The following HDAC9 variants were observed in gnomAD, a reference collection of about 807,000 sequenced individuals.
The protein encoded by HDAC9 is MEF-2 interacting transcription repressor (MITR) protein.
Under a neutral mutation model 139.4 loss-of-function variants are expected in HDAC9, and 41 were observed. That is an observed-to-expected ratio of 0.29 (90% CI 0.23 to 0.38). The LOEUF is 0.38. HDAC9 is among the 10% of genes least tolerant of loss of function. HDAC9 has a pLI of 1.00. For missense variants in HDAC9, 1,147 were observed against 1,297.0 expected (o/e 0.88, Z 1.78); for synonymous variants, 517 against 476.2 (o/e 1.09, Z -1.12).
intron 22 of HDAC9, among the ~76,000 whole-genome samples, chr7:18,901,913 T>G (rs1349903764): frequency 6.6e-6 from 1 of 152,248 alleles, no homozygotes; most frequent in Admixed American, 6.5e-5. Context: ...AGATTCAATT[T>G]AGTCACAAGT....
intron 2 of HDAC9, among the ~76,000 whole-genome samples, chr7:18,273,055 C>CTTT (rs1491175072): frequency 1.8e-4 from 12 of 68,230 alleles, no homozygotes; most frequent in African/African-American, 5.1e-4. Flanking sequence ...TCCCCTTCTT[C>CTTT]GTTTTTTTTT....
chr7:18,566,140 T>C (rs894531093), intron 2 of HDAC9, among the ~76,000 whole-genome samples: 4 of 152,228 alleles, frequency 2.6e-5, no homozygotes, highest in Non-Finnish European at 5.9e-5. Context: ...TAGAAAGTGG[T>C]GTTTTCATTG....
chr7:18,209,052 G>T (rs1017316224), intron 2 of HDAC9, among the ~76,000 whole-genome samples: 21 of 152,044 alleles, frequency 1.4e-4, no homozygotes, highest in African/African-American at 5.1e-4. Context: ...ATTTTATTTT[G>T]TTTATTTATT....
rs569203056 is a variant in HDAC9 at position 18,582,506 on chromosome 7, T to TTA, written c.23-2761_23-2760dup. Among the ~76,000 whole-genome samples the TTA allele has an allele frequency of 7.7e-3, 1,162 of 150,920 alleles. 6 individuals carry two copies. The highest frequency in any genetic ancestry group is 0.018 in the African/African-American group (719 of 41,064). On this transcript the variant is annotated intron_variant, in intron 2 of 25. Transcript: ENST00000686413. ...GATAAATCTATTTTGACTACATTGC[T>TTA]TATATATATATATATTTTTTAAATG...
chr7:18,950,074 T>C (rs1782686388), intron 23 of HDAC9, among the ~76,000 whole-genome samples: 1 of 152,080 alleles, frequency 6.6e-6, no homozygotes, highest in African/African-American at 2.4e-5. Flanking sequence ...ATTAGAGGTC[T>C]AGGTATTGAG....
intron 1 of HDAC9, among the ~76,000 whole-genome samples, chr7:18,341,145 T>C (rs1781975907): frequency 6.6e-6 from 1 of 151,696 alleles, no homozygotes; most frequent in Admixed American, 6.6e-5. Flanking sequence ...TTTAAGATTT[T>C]CCCCTACCTC....
chr7:18,450,763 T>G (rs556834569), intron 1 of HDAC9, among the ~76,000 whole-genome samples: 1 of 152,334 alleles, frequency 6.6e-6, no homozygotes, highest in Non-Finnish European at 1.5e-5. Context: ...ATTCTATTTT[T>G]TAGGAAGAGG....
At chr7:18,491,861 T>G (rs1796393405), upstream of HDAC9, among the ~76,000 whole-genome samples, 1 of 151,868 alleles carries the variant, frequency 6.6e-6, no homozygotes, top group Non-Finnish European at 1.5e-5. Context: ...CTTCACCTAA[T>G]CCACTCAAAC....
intron 25 of HDAC9, among the ~76,000 whole-genome samples, chr7:18,977,919 G>GACAGACACACACACACAC (rs1422767293): frequency 1.1e-4 from 15 of 141,034 alleles, no homozygotes; most frequent in African/African-American, 4.1e-4. Context: ...CAGACAGACA[G>GACAGACACACACACACAC]ACACACACAC....
intron 22 of HDAC9, among the ~76,000 whole-genome samples, chr7:18,888,356 C>T (rs578123466): frequency 6.6e-5 from 10 of 152,234 alleles, no homozygotes; most frequent in African/African-American, 1.4e-4. Context: ...ACCCGGGAGG[C>T]GGAGCTTGCA....
rs575810238 is a variant in HDAC9 at position 18,943,408 on chromosome 7, G to A, written c.2937+7466G>A. 8.6e-5 allele frequency among the ~76,000 whole-genome samples: 13 copies of A among 152,034 alleles called. No individual in the cohort carries two copies. The South Asian group carries it at 1.9e-3, about 22-fold the overall frequency. ...TTTATTATCCTCTTTCCAATTGACC[G>A]CTATGCCTTCTTCCATTTATTTTTA... On this transcript the variant is annotated intron_variant, in intron 23 of 25. Transcript: ENST00000686413.
chr7:18,288,776 C>G (rs928095662), upstream of HDAC9, among the ~76,000 whole-genome samples: 107 of 151,990 alleles, frequency 7.0e-4, no homozygotes, highest in African/African-American at 2.6e-3. Flanking sequence ...TTACAGGCTT[C>G]TAGAAAGACA....
At chr7:18,230,347 C>G (rs116003778) in intron 2 of HDAC9, among the ~76,000 whole-genome samples, 1,927 of 152,270 alleles carry the variant, frequency 0.013, 45 homozygotes, top group African/African-American at 0.044. Flanking sequence ...AAGTGTGGGG[C>G]TCTTCTAAGC....
intron 1 of HDAC9, among the ~76,000 whole-genome samples, chr7:18,308,586 G>C (rs1799086763): frequency 6.6e-6 from 1 of 152,102 alleles, no homozygotes; most frequent in African/African-American, 2.4e-5. Context: ...CTACTTCATG[G>C]AGAAAAATAT....
intron 1 of HDAC9, among the ~76,000 whole-genome samples, chr7:18,355,805 C>T (rs1783212236): frequency 6.6e-6 from 1 of 152,116 alleles, no homozygotes; most frequent in Admixed American, 6.6e-5. Flanking sequence ...GGAGGAATTG[C>T]CTTGTCATGT....
At chr7:18,942,793 T>A (rs75815104) in intron 23 of HDAC9, among the ~76,000 whole-genome samples, 5,383 of 151,916 alleles carry the variant, frequency 0.035, 159 homozygotes, top group Non-Finnish European at 0.054. Flanking sequence ...ACCACAGAAA[T>A]CAGCAAATAC....
At chr7:18,965,046 A>G (rs1302380767) in intron 24 of HDAC9, among the ~76,000 whole-genome samples, 1 of 152,216 alleles carries the variant, frequency 6.6e-6, no homozygotes, top group Non-Finnish European at 1.5e-5. Context: ...TGGTGAGTTA[A>G]CAAATTAGCT....
rs192528030 is a variant in HDAC9 at position 18,929,769 on chromosome 7, G to A, written c.2804-6040G>A. ...TGGCCAACCAACATGGTGAAACCGCGTCTCTACTAAAAATACAAAAATTAG... is the reference window on the plus strand; with the variant it reads ...TGGCCAACCAACATGGTGAAACCGCATCTCTACTAAAAATACAAAAATTAG... On this transcript the variant is annotated intron_variant, in intron 22 of 25. Coordinates refer to ENST00000686413, the MANE Select transcript of HDAC9 (RefSeq NM_178425.4). Among the ~76,000 whole-genome samples, 478 of 151,984 alleles carry A rather than the reference G, an allele frequency of 3.1e-3. 1 individual carries two copies. Among genetic ancestry groups the A allele is most frequent in the Middle Eastern group, 0.014 (4 of 290 alleles).
chr7:18,569,605 A>G (rs1823579674), intron 2 of HDAC9, among the ~76,000 whole-genome samples: 2 of 152,284 alleles, frequency 1.3e-5, no homozygotes, highest in South Asian at 2.1e-4. Flanking sequence ...AACAGATACT[A>G]TGAGTTCTGC....
Sources: gnomAD v4.1 joint callset for allele counts (sites outside exome capture counted in the v4.1 genomes callset) on GRCh38, gnomAD v4.1.1 for gene constraint, MANE v1.5 for transcripts, NCBI Gene and HGNC (gene_info 2026-07-23, HGNC 2026-07-21) for gene names.